Variants in TUSC3 observed in about 807,000 individuals in gnomAD.
TUSC3 encodes the protein dolichyl-diphosphooligosaccharide--protein glycosyltransferase subunit TUSC3.
TUSC3 carries 45 observed loss-of-function variants against 44.8 expected under a neutral mutation model. The observed-to-expected ratio is 1.00, with a 90% CI of 0.79 to 1.29. The LOEUF is 1.29. Ranked by LOEUF, TUSC3 falls within the 50% of genes most tolerant of loss-of-function variation. The pLI is 0.00. For synonymous variants in TUSC3, 212 were observed against 152.9 expected, an observed-to-expected ratio of 1.39 and a Z score of -2.85; for missense variants, 519 against 437.9, an observed-to-expected ratio of 1.19 and a Z score of -1.65.
chr8:15,761,573 A>G (rs1355962307), intron 10 of TUSC3, among the ~76,000 whole-genome samples: 1 of 152,198 alleles, frequency 6.6e-6, no homozygotes, highest in Non-Finnish European at 1.5e-5. Context: ...GAATACGCGA[A>G]TAAGCCAGTC....
At chr8:15,616,234 G>A (rs555276319) in intron 1 of TUSC3, among the ~76,000 whole-genome samples, 2 of 152,288 alleles carry the variant, frequency 1.3e-5, no homozygotes, top group South Asian at 2.1e-4. Context: ...ATAGTGACAT[G>A]TATTTTTATA....
At chr8:15,648,143 C>T (rs1806712550) in intron 2 of TUSC3, among the ~76,000 whole-genome samples, 1 of 152,142 alleles carries the variant, frequency 6.6e-6, no homozygotes, top group African/African-American at 2.4e-5. Flanking sequence ...CTAGGTCCTT[C>T]TCATTCTGTC....
chr8:15,835,418 T>G, the TUSC3 span, among the ~76,000 whole-genome samples: 1 of 152,274 alleles, frequency 6.6e-6, no homozygotes, highest in South Asian at 2.1e-4. Flanking sequence ...GTTCACACTT[T>G]TTCTCTTTTC....
At chr8:15,835,099 T>G in the TUSC3 span, among the ~76,000 whole-genome samples, 3 of 152,238 alleles carry the variant, frequency 2.0e-5, no homozygotes, top group Non-Finnish European at 4.4e-5. Flanking sequence ...TCATCTTTCA[T>G]GCTACTCTTC....
rs150820041 is a variant in TUSC3, at chr8:15,464,834, C to T, written n.92-18552C>T. On this transcript the variant is annotated intron_variant and non_coding_transcript_variant, in intron 1 of 5. Transcript: ENST00000503191. The stretch of plus-strand genomic sequence containing the variant: ...TCCAAAACATGGTCATGACTGATAA[C>T]TTCTTGGAATCCTTGAAGACTTTTT... 6.1e-4 allele frequency among the ~76,000 whole-genome samples: 93 copies of T among 152,180 alleles called. 1 individual carries two copies. Among genetic ancestry groups the T allele is most frequent in the African/African-American group, 2.2e-3 (91 of 41,540 alleles).
chr8:15,811,367 AG>A, the TUSC3 span, among the ~76,000 whole-genome samples: 1 of 152,204 alleles, frequency 6.6e-6, no homozygotes, highest in African/African-American at 2.4e-5. Flanking sequence ...CTAACCTCGA[AG>A]TCCACCAAAA....
intron 9 of TUSC3, among the ~76,000 whole-genome samples, chr8:15,750,613 G>A (rs1458056361): frequency 2.6e-5 from 4 of 151,594 alleles, no homozygotes; most frequent in Non-Finnish European, 4.4e-5. Context: ...TTTTAACGGA[G>A]GCTGGACATA....
chr8:15,531,111 G>A (rs1451445804), intron 2 of TUSC3, among the ~76,000 whole-genome samples: 1 of 152,164 alleles, frequency 6.6e-6, no homozygotes, highest in East Asian at 1.9e-4. Context: ...TACCCTAAGG[G>A]AAGAATCAAG....
intron 6 of TUSC3, among the ~76,000 whole-genome samples, chr8:15,678,253 C>T (rs1336127057): frequency 6.6e-6 from 1 of 152,118 alleles, no homozygotes; most frequent in East Asian, 1.9e-4. Context: ...TGGACTTTGT[C>T]TGTCAAAGAA....
chr8:15,674,087 T>G, intron 6 of TUSC3, among the ~76,000 whole-genome samples: 1 of 152,160 alleles, frequency 6.6e-6, no homozygotes, highest in African/African-American at 2.4e-5. Context: ...CAAATATACA[T>G]GCATTCACTA....
the TUSC3 span, among the ~76,000 whole-genome samples, chr8:15,798,197 T>C: frequency 6.6e-6 from 1 of 152,220 alleles, no homozygotes; most frequent in African/African-American, 2.4e-5. Context: ...TACATTCATA[T>C]GTGGAAGCAT....
intron 2 of TUSC3, among the ~76,000 whole-genome samples, chr8:15,646,068 G>A (rs952722597): frequency 5.3e-5 from 8 of 152,064 alleles, no homozygotes; most frequent in Admixed American, 2.0e-4. Context: ...AATAAGAACA[G>A]CTATGCATAA....
Position 15,722,974 on chromosome 8 carries a change from G to C in TUSC3, c.799-7692G>C, listed in dbSNP as rs60567290. The stretch of plus-strand genomic sequence containing the variant: ...TAGTGTTATTTAGTCATAGCTTATA[G>C]CTCATTAGTAGTACAAATTTCTCGT... On this transcript the variant is annotated intron_variant, in intron 6 of 10. Transcript: ENST00000503731. 0.012 allele frequency among the ~76,000 whole-genome samples: 1,850 copies of C among 152,122 alleles called. 78 individuals are homozygous for C. In the East Asian group the frequency reaches 0.14, roughly 12 times the overall value.
chr8:15,597,968 C>A (rs1473333809), intron 1 of TUSC3, among the ~76,000 whole-genome samples: 1 of 152,018 alleles, frequency 6.6e-6, no homozygotes. Flanking sequence ...CACGCATGCA[C>A]ACACAACACT....
intron 1 of TUSC3, among the ~76,000 whole-genome samples, chr8:15,547,649 G>C (rs1447234807): frequency 1.0e-5 from 1 of 99,450 alleles, no homozygotes; most frequent in Non-Finnish European, 2.3e-5. Flanking sequence ...TCCTAACTTT[G>C]AGTGAGAAAG....
chr8:15,426,862 A>C (rs139533264), intron 1 of TUSC3, among the ~76,000 whole-genome samples: 4 of 152,210 alleles, frequency 2.6e-5, no homozygotes, highest in Admixed American at 6.5e-5. Flanking sequence ...GCATTGTACA[A>C]GGGTTCCACA....
At chr8:15,756,223 T>G (rs2129222446) in intron 9 of TUSC3, among the ~76,000 whole-genome samples, 1 of 152,274 alleles carries the variant, frequency 6.6e-6, no homozygotes, top group Middle Eastern at 3.4e-3. Context: ...GGGCTTAAAG[T>G]TAGTTACTTA....
At chr8:15,767,939 G>A (rs1019173521), downstream of TUSC3, among the ~76,000 whole-genome samples, 1 of 152,128 alleles carries the variant, frequency 6.6e-6, no homozygotes, top group African/African-American at 2.4e-5. Flanking sequence ...ACATGTAACA[G>A]GGACTCTAGA....
chr8:15,759,824 T>A (rs981636592), intron 10 of TUSC3, among the ~76,000 whole-genome samples: 1 of 152,170 alleles, frequency 6.6e-6, no homozygotes, highest in Non-Finnish European at 1.5e-5. Flanking sequence ...CTCACTACGT[T>A]AAAAAATCAT....
Sources: gnomAD v4.1 joint callset for allele counts (sites outside exome capture counted in the v4.1 genomes callset) on GRCh38, gnomAD v4.1.1 for gene constraint, MANE v1.5 for transcripts, NCBI Gene and HGNC (gene_info 2026-07-23, HGNC 2026-07-21) for gene names.